The following DHRS7B variants were observed in gnomAD, a reference collection of about 807,000 sequenced individuals.
DHRS7B encodes the protein dehydrogenase/reductase 7B.
DHRS7B carries 24 observed loss-of-function variants against 26.4 expected under a neutral mutation model. That is an observed-to-expected ratio of 0.91 (90% CI 0.66 to 1.28). DHRS7B has a LOEUF of 1.28. Among genes scored for constraint, DHRS7B ranks in the 50% most tolerant of loss-of-function variants. DHRS7B has a pLI of 0.00. For missense variants in DHRS7B, 368 were observed against 419.4 expected, an observed-to-expected ratio of 0.88 and a Z score of 1.07; for synonymous variants, 142 against 166.4, an observed-to-expected ratio of 0.85 and a Z score of 1.13.
chr17:21,146,133 G>A, intron 1 of DHRS7B, among the ~76,000 whole-genome samples: 1 of 152,202 alleles, frequency 6.6e-6, no homozygotes, highest in East Asian at 1.9e-4. Context: ...CCTGGGCACT[G>A]TAGCATAGTA....
At position 21,178,295 on chromosome 17, in the gene DHRS7B, G is replaced by A. The variant is rs1157709216; in HGVS notation, c.262G>A (p.Ala88Thr). 6.2e-7 allele frequency: 1 copy of A among 1,614,206 alleles called. No individual in the cohort carries two copies. Among genetic ancestry groups the A allele is most frequent in the African/African-American group, 1.3e-5 (1 of 75,074 alleles). Reference protein sequence around the residue: ...KLVLCGRNGGALEELIRELTA... With the variant: ...KLVLCGRNGGTLEELIRELTA... Reference sequence around the variant, plus strand: ...GGTGCTCTGTGGCCGGAATGGTGGGGCCCTAGAAGAGCTCATCAGAGAACT... The same window carrying A: ...GGTGCTCTGTGGCCGGAATGGTGGGACCCTAGAAGAGCTCATCAGAGAACT... The change falls in exon 3 of 7, where the codon GCC (alanine) becomes ACC (threonine). Residue 88 changes from alanine (A) to threonine (T), a missense_variant. By Grantham distance (58) the Ala-to-Thr change is moderately conservative. Coordinates refer to ENST00000395511, the MANE Select transcript of DHRS7B (RefSeq NM_015510.5).
intron 1 of DHRS7B, among the ~76,000 whole-genome samples, chr17:21,140,872 C>T (rs73984295): frequency 0.044 from 6,625 of 152,106 alleles, 182 homozygotes; most frequent in African/African-American, 0.073. Context: ...CCTCATTCTT[C>T]GATTATTTGC....
intron 5 of DHRS7B, among the ~76,000 whole-genome samples, chr17:21,187,112 T>TATATATATATATATATATATAA (rs1283365408): frequency 1.4e-5 from 2 of 146,702 alleles, no homozygotes; most frequent in African/African-American, 5.1e-5. Flanking sequence ...TATATATATA[T>TATATATATATATATATATATAA]AAAATATATA....
intron 1 of DHRS7B, among the ~76,000 whole-genome samples, chr17:21,132,888 A>C (rs1973270028): frequency 6.6e-6 from 1 of 152,196 alleles, no homozygotes; most frequent in African/African-American, 2.4e-5. Flanking sequence ...GTTCCAGCTA[A>C]AGGATTTTTT....
intron 1 of DHRS7B, among the ~76,000 whole-genome samples, chr17:21,171,140 C>T (rs1016692031): frequency 9.8e-5 from 15 of 152,344 alleles, no homozygotes; most frequent in African/African-American, 3.1e-4. Context: ...GTGCTCACCA[C>T]GGTCCTCACC....
chr17:21,149,390 A>G (rs1174483033), intron 1 of DHRS7B, among the ~76,000 whole-genome samples: 1 of 152,234 alleles, frequency 6.6e-6, no homozygotes, highest in Non-Finnish European at 1.5e-5. Flanking sequence ...GAAAACACTC[A>G]TGGGCAAATA....
At chr17:21,182,407 C>G (rs1203313208) in intron 3 of DHRS7B, among the ~76,000 whole-genome samples, 1 of 152,062 alleles carries the variant, frequency 6.6e-6, no homozygotes, top group East Asian at 1.9e-4. Context: ...CGCCTCCATG[C>G]CCAGCTAGTT....
At chr17:21,189,088 GAA>G (rs1974718299) in intron 6 of DHRS7B, among the ~76,000 whole-genome samples, 1 of 152,204 alleles carries the variant, frequency 6.6e-6, no homozygotes, top group Non-Finnish European at 1.5e-5. Context: ...GCAGCATTCA[GAA>G]CAGGACCTCT....
chr17:21,138,294 G>A (rs1421648787), intron 1 of DHRS7B, among the ~76,000 whole-genome samples: 3 of 125,354 alleles, frequency 2.4e-5, no homozygotes, highest in Non-Finnish European at 3.1e-5. Context: ...TTGGCTCACT[G>A]CAAGCTCCAA....
chr17:21,143,118 A>G (rs1473681938), intron 1 of DHRS7B, among the ~76,000 whole-genome samples: 2 of 152,170 alleles, frequency 1.3e-5, no homozygotes, highest in East Asian at 1.9e-4. Context: ...TAGTAGAGAC[A>G]GGGTTTCACC....
chr17:21,178,688 T>G (rs1447890573), intron 3 of DHRS7B, among the ~76,000 whole-genome samples: 1 of 148,726 alleles, frequency 6.7e-6, no homozygotes, highest in Non-Finnish European at 1.5e-5. Flanking sequence ...ACACGGAGTC[T>G]CGCTCTGTCA....
At chr17:21,168,522 C>G (rs1974163728) in intron 1 of DHRS7B, among the ~76,000 whole-genome samples, 1 of 152,162 alleles carries the variant, frequency 6.6e-6, no homozygotes, top group South Asian at 2.1e-4. Context: ...ACGTGCACTA[C>G]CATACCTGGT....
chr17:21,168,558 G>A (rs570673194), intron 1 of DHRS7B, among the ~76,000 whole-genome samples: 5 of 152,146 alleles, frequency 3.3e-5, no homozygotes, highest in South Asian at 2.1e-4. Context: ...TTGTAGAGAC[G>A]GGATTTCACC....
chr17:21,138,816 G>T (rs970619771), intron 1 of DHRS7B, among the ~76,000 whole-genome samples: 1 of 151,490 alleles, frequency 6.6e-6, no homozygotes, highest in Non-Finnish European at 1.5e-5. Flanking sequence ...ATATTTATTG[G>T]AAAATACCCA....
chr17:21,172,350 A>C, intron 2 of DHRS7B, 154 bp downstream of exon 2: 2 of 892,314 alleles, frequency 2.2e-6, no homozygotes, highest in Non-Finnish European at 3.4e-6. Flanking sequence ...TCCTTGGTAC[A>C]AGTGGAAAAA....
intron 1 of DHRS7B, among the ~76,000 whole-genome samples, chr17:21,141,170 C>T (rs999204372): frequency 1.2e-4 from 18 of 152,096 alleles, no homozygotes; most frequent in African/African-American, 3.9e-4. Context: ...ATGTCATTGT[C>T]GGGGGCGGAA....
At chr17:21,150,832 A>G (rs1689562510) in intron 1 of DHRS7B, among the ~76,000 whole-genome samples, 2 of 152,160 alleles carry the variant, frequency 1.3e-5, no homozygotes, top group South Asian at 2.1e-4. Flanking sequence ...TAACTCCCCT[A>G]TCTCGAGATT....
intron 1 of DHRS7B, among the ~76,000 whole-genome samples, chr17:21,154,952 TA>T (rs35476920): frequency 6.6e-6 from 1 of 152,004 alleles, no homozygotes; most frequent in African/African-American, 2.4e-5. Context: ...GGGCAACCAC[TA>T]AAAAAAGTTT....
chr17:21,139,400 G>A (rs1018959421), intron 1 of DHRS7B, among the ~76,000 whole-genome samples: 37 of 152,262 alleles, frequency 2.4e-4, no homozygotes, highest in African/African-American at 7.5e-4. Context: ...ATTAGGCCAC[G>A]CATGGTGGCT....
Sources: gnomAD v4.1 joint callset for allele counts (sites outside exome capture counted in the v4.1 genomes callset) on GRCh38, gnomAD v4.1.1 for gene constraint, MANE v1.5 for transcripts, NCBI Gene and HGNC (gene_info 2026-07-23, HGNC 2026-07-21) for gene names.